The following JAZF1 variants were observed in gnomAD, a reference collection of about 807,000 sequenced individuals.
JAZF1 encodes juxtaposed with another zinc finger protein 1.
JAZF1 carries 8 observed loss-of-function variants against 26.4 expected under a neutral mutation model. That is an observed-to-expected ratio of 0.30 (90% CI 0.18 to 0.55). The LOEUF (loss-of-function observed/expected upper bound fraction) is 0.55, where lower values mean the gene tolerates loss of function less well. JAZF1 is among the 20% of genes least tolerant of loss of function. The pLI, the probability that JAZF1 is intolerant of heterozygous loss-of-function variation, is 0.94. For missense variants in JAZF1, 199 were observed against 322.0 expected (o/e 0.62, Z 2.92); for synonymous variants, 126 against 122.3 (o/e 1.03, Z -0.20).
chr7:28,015,033 A>ATGTGTGTGTGTG (rs397804972), intron 1 of JAZF1, among the ~76,000 whole-genome samples: 12 of 140,780 alleles, frequency 8.5e-5, no homozygotes, highest in Admixed American at 1.4e-4. Context: ...GAAAGTGTGT[A>ATGTGTGTGTGTG]TGTGTGTGTG....
chr7:27,977,610 C>G (rs1785499915), intron 2 of JAZF1, among the ~76,000 whole-genome samples: 1 of 152,138 alleles, frequency 6.6e-6, no homozygotes, highest in Admixed American at 6.5e-5. Context: ...CAAAGTCTTA[C>G]CCCGAACATG....
intron 1 of JAZF1, among the ~76,000 whole-genome samples, chr7:28,118,375 C>T (rs1355695996): frequency 6.6e-6 from 1 of 151,896 alleles, no homozygotes; most frequent in East Asian, 1.9e-4. Flanking sequence ...ATTAGCCGGG[C>T]GTGGTGGTGG....
chr7:27,841,114 G>A (rs956899140), intron 3 of JAZF1: 5 of 429,070 alleles, frequency 1.2e-5, no homozygotes, highest in African/African-American at 6.0e-5. Flanking sequence ...AGGAGTTGGC[G>A]GAGCAAGAAC....
At chr7:28,047,854 G>C (rs1401958971) in intron 1 of JAZF1, among the ~76,000 whole-genome samples, 1 of 152,028 alleles carries the variant, frequency 6.6e-6, no homozygotes, top group Non-Finnish European at 1.5e-5. Context: ...GCTGTACTTG[G>C]TTTACACTTA....
rs1368873651 is a variant in JAZF1, at chr7:27,979,405, T to TTTTTTTTTTTC, written c.188+12503_188+12504insGAAAAAAAAAA. 3.0e-4 allele frequency among the ~76,000 whole-genome samples: 25 copies of TTTTTTTTTTTC among 84,248 alleles called. 3 individuals are homozygous for TTTTTTTTTTTC. In the East Asian group the frequency reaches 4.1e-3, roughly 14 times the overall value. 55.3% of individuals were successfully genotyped at this position (84,248 alleles called of 152,430 possible). A position where few individuals can be genotyped will look rare whatever the true frequency, so the allele number is the denominator to read the frequency against. On this transcript the variant is annotated intron_variant, in intron 2 of 4. Coordinates refer to ENST00000283928, the MANE Select transcript of JAZF1 (RefSeq NM_175061.4). The stretch of plus-strand genomic sequence containing the variant: ...TTTTTTTTTTTTTTTTTTTTTTTTT[T>TTTTTTTTTTTC]AGAAACAGAGTCTTGTTCTATCACC...
intron 2 of JAZF1, among the ~76,000 whole-genome samples, chr7:27,978,579 C>T (rs1295545014): frequency 3.3e-5 from 5 of 152,054 alleles, no homozygotes; most frequent in South Asian, 2.1e-4. Context: ...CAGGGTTCCT[C>T]GGGGAAGTTG....
chr7:27,883,500 A>T (rs1783805618), intron 3 of JAZF1, among the ~76,000 whole-genome samples: 1 of 152,244 alleles, frequency 6.6e-6, no homozygotes, highest in South Asian at 2.1e-4. Context: ...AAAAAATAAC[A>T]CAGAAACACT....
rs1299281902 is a variant in JAZF1 at position 27,832,184 on chromosome 7, G to C, written c.*616C>G. On this transcript the variant is annotated 3_prime_UTR_variant, in exon 5 of 5. Coordinates refer to ENST00000283928, the MANE Select transcript of JAZF1 (RefSeq NM_175061.4). ...ATTTTCAGCTTTTTAAAGGGCAAAA[G>C]GATTTGCAAGATAATATAAAACACA... 1 of 211,238 alleles carries C rather than the reference G, an allele frequency of 4.7e-6. No individual in the cohort carries two copies. Among genetic ancestry groups the C allele is most frequent in the Non-Finnish European group, 9.6e-6 (1 of 104,084 alleles). 13.1% of individuals were successfully genotyped at this position (211,238 alleles called of 1,614,324 possible). A position where few individuals can be genotyped will look rare whatever the true frequency, so the allele number is the denominator to read the frequency against.
At chr7:28,111,161 A>G (rs1277652585) in intron 1 of JAZF1, among the ~76,000 whole-genome samples, 2 of 152,194 alleles carry the variant, frequency 1.3e-5, no homozygotes, top group Non-Finnish European at 2.9e-5. Context: ...TTCATAGATA[A>G]AGGGATAGTC....
intron 1 of JAZF1, among the ~76,000 whole-genome samples, chr7:28,087,723 A>G (rs1382055383): frequency 3.9e-5 from 6 of 152,192 alleles, no homozygotes; most frequent in Non-Finnish European, 8.8e-5. Flanking sequence ...AGTCGACATA[A>G]GGTTTTTCAA....
At chr7:28,160,342 C>G (rs1783265465) in intron 1 of JAZF1, among the ~76,000 whole-genome samples, 1 of 152,120 alleles carries the variant, frequency 6.6e-6, no homozygotes. Context: ...TCTTTCCAGC[C>G]CTTACCACTA....
At chr7:27,844,799 C>T (rs1224703072) in intron 3 of JAZF1, among the ~76,000 whole-genome samples, 2 of 152,194 alleles carry the variant, frequency 1.3e-5, no homozygotes, top group African/African-American at 4.8e-5. Context: ...CAACGGGGCA[C>T]ATCACAGTCT....
chr7:28,034,574 A>T (rs1583521205), intron 1 of JAZF1, among the ~76,000 whole-genome samples: 1 of 151,914 alleles, frequency 6.6e-6, no homozygotes, highest in African/African-American at 2.4e-5. Flanking sequence ...TATTTTTCCC[A>T]ATCCTGCTTC....
At chr7:27,879,068 C>A (rs1488819388) in intron 3 of JAZF1, among the ~76,000 whole-genome samples, 1 of 152,216 alleles carries the variant, frequency 6.6e-6, no homozygotes, top group Non-Finnish European at 1.5e-5. Flanking sequence ...GATCTTAACA[C>A]AGAACTCTCA....
rs191690310 is a variant in JAZF1 at position 28,086,733 on chromosome 7, G to A, written c.115+93730C>T. Reference sequence around the variant, plus strand: ...TAAAGTTTTATGTCATAATAGGAGCGATGATTTTCCCATTACAAGAAAATC... The same window carrying A: ...TAAAGTTTTATGTCATAATAGGAGCAATGATTTTCCCATTACAAGAAAATC... On this transcript the variant is annotated intron_variant, in intron 1 of 4. Coordinates refer to ENST00000283928, the MANE Select transcript of JAZF1 (RefSeq NM_175061.4). Among the ~76,000 whole-genome samples, 593 of 152,290 alleles carry A rather than the reference G, an allele frequency of 3.9e-3. 4 individuals are homozygous for A. The highest frequency in any genetic ancestry group is 5.3e-3 in the Non-Finnish European group (358 of 68,020).
At chr7:28,158,205 G>GGGAGA (rs1783223258) in intron 1 of JAZF1, among the ~76,000 whole-genome samples, 5 of 89,208 alleles carry the variant, frequency 5.6e-5, no homozygotes, top group Non-Finnish European at 1.2e-4. Context: ...AGAGAGAGAG[G>GGGAGA]GAGAGAGAGA....
At chr7:27,966,626 G>GGGAGAA (rs1479243679) in intron 2 of JAZF1, among the ~76,000 whole-genome samples, 1 of 152,312 alleles carries the variant, frequency 6.6e-6, no homozygotes, top group South Asian at 2.1e-4. Context: ...ATAAATGCAT[G>GGGAGAA]GGAGAAGCAG....
rs117065415 is a variant in JAZF1 at position 28,158,470 on chromosome 7, G to A, written c.115+21993C>T. Among the ~76,000 whole-genome samples, 23 of 152,286 alleles carry A rather than the reference G, an allele frequency of 1.5e-4. No individual in the cohort carries two copies. In the East Asian group the frequency reaches 3.5e-3, roughly 23 times the overall value. On this transcript the variant is annotated intron_variant, in intron 1 of 4. Coordinates refer to ENST00000283928, the MANE Select transcript of JAZF1 (RefSeq NM_175061.4). ...CAAACATCCTGGACCACTGAAGACAGCAACAGGTGAATTCCAGAATTCTTG... is the reference window on the plus strand; with the variant it reads ...CAAACATCCTGGACCACTGAAGACAACAACAGGTGAATTCCAGAATTCTTG...
At chr7:27,886,297 G>A (rs778121345) in intron 3 of JAZF1, among the ~76,000 whole-genome samples, 5 of 152,182 alleles carry the variant, frequency 3.3e-5, no homozygotes, top group Non-Finnish European at 5.9e-5. Context: ...GACCCCTTTG[G>A]TGTCAAGGAC....
Sources: gnomAD v4.1 joint callset for allele counts (sites outside exome capture counted in the v4.1 genomes callset) on GRCh38, gnomAD v4.1.1 for gene constraint, MANE v1.5 for transcripts, NCBI Gene and HGNC (gene_info 2026-07-23, HGNC 2026-07-21) for gene names.